Variants in PARP8 observed in about 807,000 individuals in gnomAD.
PARP8 encodes the protein poly(ADP-ribose) polymerase family member 8.
PARP8 carries 51 observed loss-of-function variants against 124.1 expected under a neutral mutation model. The observed-to-expected ratio is 0.41, with a 90% confidence interval of 0.33 to 0.52. PARP8 has a LOEUF of 0.52. Among genes scored for constraint, PARP8 ranks in the 20% least tolerant of loss-of-function variants. The pLI, the probability that PARP8 is intolerant of heterozygous loss-of-function variation, is 0.21. For synonymous variants in PARP8, 391 were observed against 361.5 expected (o/e 1.08, Z -0.93); for missense variants, 860 against 1,018.9 (o/e 0.84, Z 2.12).
intron 2 of PARP8, among the ~76,000 whole-genome samples, chr5:50,718,715 A>T (rs1755568234): frequency 6.6e-6 from 1 of 151,858 alleles, no homozygotes; most frequent in African/African-American, 2.4e-5. Context: ...TTATGCATTT[A>T]TCTATTGATG....
intron 14 of PARP8, 106 bp downstream of exon 14, chr5:50,797,339 C>A: frequency 1.4e-6 from 1 of 708,426 alleles, no homozygotes; most frequent in Non-Finnish European, 2.2e-6. Context: ...AGCAAATACT[C>A]TTTATTGAGC....
At chr5:50,781,365 A>G (rs1229710595) in intron 9 of PARP8, among the ~76,000 whole-genome samples, 5 of 152,158 alleles carry the variant, frequency 3.3e-5, no homozygotes, top group Non-Finnish European at 7.4e-5. Flanking sequence ...TTTTATTCCT[A>G]TAGATGGAGT....
Position 50,778,518 on chromosome 5 carries a change from T to C in PARP8, c.580-42T>C. The C allele has an allele frequency of 2.1e-6, 3 of 1,462,716 alleles. No homozygotes were observed. The Admixed American group carries it at 6.3e-5, about 31-fold the overall frequency. The allele number at this position is 1,462,716 out of a possible 1,614,324, so 90.6% of individuals were successfully genotyped here. On this transcript the variant is annotated intron_variant, in intron 8 of 25. Coordinates refer to ENST00000281631, the MANE Select transcript of PARP8 (RefSeq NM_024615.4). ...GTGTGTTTTTTTTTTCATTTTGAACTCTAAAAGATGATTAATTCATCTTTT... is the reference window on the plus strand; with the variant it reads ...GTGTGTTTTTTTTTTCATTTTGAACCCTAAAAGATGATTAATTCATCTTTT...
intron 14 of PARP8, among the ~76,000 whole-genome samples, chr5:50,804,160 G>A (rs1743555547): frequency 6.6e-6 from 1 of 151,998 alleles, no homozygotes; most frequent in South Asian, 2.1e-4. Context: ...TTATTCTGTT[G>A]TTTGCCTCAG....
rs116087705 is a variant in PARP8 at position 50,695,487 on chromosome 5, G to A, written c.146+27362G>A. On this transcript the variant is annotated intron_variant, in intron 2 of 25. Transcript: ENST00000281631. ...TTATTAGACACACTTCATAAAAGCC[G>A]TAATTTGTACTAATAATGTGCACTA... Among the ~76,000 whole-genome samples, 788 of 152,246 alleles carry A rather than the reference G, an allele frequency of 5.2e-3. 4 individuals carry two copies. The highest frequency in any genetic ancestry group is 7.8e-3 in the Admixed American group (119 of 15,298).
intron 6 of PARP8, 90 bp downstream of exon 6, chr5:50,761,988 C>A (rs1760592559): frequency 2.8e-6 from 2 of 722,016 alleles, no homozygotes; most frequent in African/African-American, 3.6e-5. Context: ...AGTTAAGGGA[C>A]CTGTGTGTTG....
intron 3 of PARP8, among the ~76,000 whole-genome samples, chr5:50,753,850 A>G (rs1359981737): frequency 2.0e-5 from 3 of 151,834 alleles, no homozygotes; most frequent in Non-Finnish European, 4.4e-5. Context: ...AATAAAAGCA[A>G]CAGTTTAAGA....
chr5:50,770,617 G>GAAGA (rs1761514100), intron 7 of PARP8, among the ~76,000 whole-genome samples: 1 of 151,116 alleles, frequency 6.6e-6, no homozygotes, highest in Non-Finnish European at 1.5e-5. Context: ...AGGAAGGAAG[G>GAAGA]AAGGAAGGAG....
At chr5:50,779,208 TGCATGCACACACAC>T (rs980803247) in intron 9 of PARP8, among the ~76,000 whole-genome samples, 4 of 151,612 alleles carry the variant, frequency 2.6e-5, no homozygotes, top group Admixed American at 2.6e-4. Context: ...CACACACACA[TGCATGCACACACAC>T]GCATGCACAC....
At position 50,795,024 on chromosome 5, in the gene PARP8, C is replaced by T. The variant is rs774576009; in HGVS notation, c.1035C>T (p.Ser345=). The stretch of plus-strand genomic sequence containing the variant: ...ACAGGACCTTTGGCCGCTCCTTGTC[C>T]AGCGATCCCAGGGCGGAGCAGGCTA... The part of the protein sequence containing the change: ...KSHRTFGRSL[S]SDPRAEQAMT... The change falls in exon 12 of 26, where the codon TCC becomes TCT. Residue 345 remains serine (S), a synonymous_variant. Coordinates refer to ENST00000281631, the MANE Select transcript of PARP8 (RefSeq NM_024615.4). 1 of 1,614,192 alleles carries T rather than the reference C, an allele frequency of 6.2e-7. No homozygotes were observed.
chr5:50,702,359 G>A (rs1466748388), intron 2 of PARP8, among the ~76,000 whole-genome samples: 1 of 152,038 alleles, frequency 6.6e-6, no homozygotes, highest in Non-Finnish European at 1.5e-5. Flanking sequence ...ATCCTTTGAT[G>A]GGATAAATAT....
chr5:50,810,866 A>G (rs1049091735), intron 14 of PARP8, among the ~76,000 whole-genome samples: 1 of 152,202 alleles, frequency 6.6e-6, no homozygotes, highest in Non-Finnish European at 1.5e-5. Flanking sequence ...TTTACTTAGT[A>G]TGGTGTATGG....
intron 2 of PARP8, among the ~76,000 whole-genome samples, chr5:50,702,975 T>C (rs1753749636): frequency 6.6e-6 from 1 of 152,094 alleles, no homozygotes; most frequent in Non-Finnish European, 1.5e-5. Flanking sequence ...GACAGAGAGT[T>C]GTACAAACAA....
chr5:50,727,917 G>A lies in PARP8; in HGVS notation c.147-22234G>A, dbSNP rs1756594597. On this transcript the variant is annotated intron_variant, in intron 2 of 25. Transcript: ENST00000281631. The stretch of plus-strand genomic sequence containing the variant: ...TTTATTTGGGTGATACTTTAATTGT[G>A]TTTTCCCTTGCTGGACTAGAAACTT... Among the ~76,000 whole-genome samples the A allele has an allele frequency of 3.3e-5, 5 of 152,054 alleles. 1 individual carries two copies. In the South Asian group the frequency reaches 1.0e-3, roughly 32 times the overall value.
At chr5:50,792,562 A>G (rs1435624656) in intron 10 of PARP8, among the ~76,000 whole-genome samples, 3 of 152,002 alleles carry the variant, frequency 2.0e-5, no homozygotes, top group East Asian at 3.9e-4. Flanking sequence ...AGGAGTAGCA[A>G]TTTTTTATGG....
At chr5:50,783,550 T>C (rs1342906701) in intron 9 of PARP8, among the ~76,000 whole-genome samples, 2 of 152,224 alleles carry the variant, frequency 1.3e-5, no homozygotes, top group Non-Finnish European at 2.9e-5. Flanking sequence ...TGTACACTAA[T>C]ATATACTATA....
intron 9 of PARP8, among the ~76,000 whole-genome samples, chr5:50,784,505 C>T (rs1286202974): frequency 6.6e-6 from 1 of 152,070 alleles, no homozygotes; most frequent in Non-Finnish European, 1.5e-5. Context: ...AAAATGATTT[C>T]TGTGCATATC....
At chr5:50,686,963 G>A (rs1414123729) in intron 2 of PARP8, among the ~76,000 whole-genome samples, 1 of 152,148 alleles carries the variant, frequency 6.6e-6, no homozygotes, top group Non-Finnish European at 1.5e-5. Flanking sequence ...GACATGCCCT[G>A]GAGACATTTT....
chr5:50,794,360 CT>C, intron 11 of PARP8, 28 bp downstream of exon 11: 1 of 1,609,198 alleles, frequency 6.2e-7, no homozygotes, highest in Non-Finnish European at 8.5e-7. Flanking sequence ...TCGTCATTGT[CT>C]TACTGAATGC....
Sources: allele counts gnomAD v4.1 joint callset (sites outside exome capture counted in the v4.1 genomes callset), GRCh38; gene constraint gnomAD v4.1.1; transcripts MANE v1.5; gene names NCBI Gene and HGNC (gene_info 2026-07-23, HGNC 2026-07-21).